Variants in EXOC7 observed in about 807,000 individuals in gnomAD.
The protein encoded by EXOC7 is exocyst complex component 7.
Under a neutral mutation model 87.6 loss-of-function variants are expected in EXOC7, and 51 were observed. The ratio of observed to expected loss-of-function variants is 0.58; its 90% CI spans 0.46 to 0.73. The LOEUF (loss-of-function observed/expected upper bound fraction) is 0.73. EXOC7 is among the 30% of genes least tolerant of loss of function. EXOC7 has a pLI of 0.00. For missense variants in EXOC7, 744 were observed against 888.4 expected, an observed-to-expected ratio of 0.84 and a Z score of 2.07; for synonymous variants, 327 against 357.1, an observed-to-expected ratio of 0.92 and a Z score of 0.95.
chr17:76,081,563 G>A lies in EXOC7; in HGVS notation c.*2085C>T. On this transcript the variant is annotated 3_prime_UTR_variant, in exon 19 of 19. Transcript: ENST00000589210. The stretch of plus-strand genomic sequence containing the variant: ...CTTCCAGCTGAGGCTGAAGAACACG[G>A]CGCTCAAGTCCATCATCGCTCTCTT... The A allele has an allele frequency of 6.2e-7, 1 of 1,613,660 alleles. No individual in the cohort carries two copies. Among genetic ancestry groups the A allele is most frequent in the South Asian group, 1.1e-5 (1 of 91,086 alleles).
chr17:76,098,135 CCT>C, intron 4 of EXOC7, 117 bp from the exon 5 acceptor site: 3 of 820,252 alleles, frequency 3.7e-6, no homozygotes, highest in Non-Finnish European at 5.7e-6. Flanking sequence ...CCTTTTCTGC[CCT>C]GATATCTTTT....
At chr17:76,099,482 G>A (rs987612497) in intron 4 of EXOC7, among the ~76,000 whole-genome samples, 5 of 151,992 alleles carry the variant, frequency 3.3e-5, no homozygotes, top group South Asian at 2.1e-4. Flanking sequence ...ACTCCAGCCC[G>A]GGCAACAAGA....
intron 5 of EXOC7, among the ~76,000 whole-genome samples, chr17:76,094,958 G>T (rs1214008199): frequency 7.8e-6 from 1 of 127,920 alleles, no homozygotes; most frequent in Non-Finnish European, 1.6e-5. Flanking sequence ...CTGATAATTA[G>T]TTGTAAGTTG....
chr17:76,088,055 C>T lies in EXOC7; in HGVS notation c.1362+5G>A. The T allele has an allele frequency of 6.2e-7, 1 of 1,614,056 alleles. No homozygotes were observed. The highest frequency in any genetic ancestry group is 2.2e-5 in the East Asian group (1 of 44,878). On this transcript the variant is annotated splice_donor_5th_base_variant and intron_variant, in intron 11 of 18. Transcript: ENST00000589210. Reference sequence around the variant, plus strand: ...CTCTCCCTGGTGTCCTCAGGCAGCACCCACATTGCTGGTGAGCTCGTGTAC... The same window carrying T: ...CTCTCCCTGGTGTCCTCAGGCAGCATCCACATTGCTGGTGAGCTCGTGTAC...
intron 5 of EXOC7, among the ~76,000 whole-genome samples, chr17:76,096,803 A>G (rs1373899093): frequency 6.6e-6 from 1 of 151,916 alleles, no homozygotes; most frequent in Non-Finnish European, 1.5e-5. Flanking sequence ...TGATCCGCCC[A>G]CCTTGGCCCC....
Position 76,089,308 on chromosome 17 carries a change from A to G in EXOC7, c.914T>C (p.Met305Thr), listed in dbSNP as rs1407008151. The change falls in exon 8 of 19, where the codon ATG (methionine) becomes ACG (threonine). Residue 305 changes from methionine (M) to threonine (T), a missense_variant. Met to Thr is a moderately conservative substitution (Grantham distance 81). Coordinates refer to ENST00000589210, the MANE Select transcript of EXOC7 (RefSeq NM_001013839.4). ...NLIPLEGRDDMLDVETDAYIH... is the reference protein window; with the variant it reads ...NLIPLEGRDDTLDVETDAYIH... ...GTAGGCATCGGTCTCCACGTCCAGC[A>G]TGTCATCTCTCCCTGGGGGATGGCA... 1 of 1,614,012 alleles carries G rather than the reference A, an allele frequency of 6.2e-7. No homozygotes were observed. Among genetic ancestry groups the G allele is most frequent in the Non-Finnish European group, 8.5e-7 (1 of 1,179,980 alleles).
In EXOC7 at chr17:76,081,798, G is replaced by C. The variant is rs2066990631; in HGVS notation, c.*1850C>G. ...ACCCAGTCTGCCCTGTTTCTCCCCG[G>C]TCACCCACTGGTGCTCAGCTCGCTG... On this transcript the variant is annotated 3_prime_UTR_variant, in exon 19 of 19. Coordinates refer to ENST00000589210, the MANE Select transcript of EXOC7 (RefSeq NM_001013839.4). The C allele has an allele frequency of 1.2e-6, 2 of 1,613,038 alleles. No individual in the cohort carries two copies. The highest frequency in any genetic ancestry group is 8.5e-7 in the Non-Finnish European group (1 of 1,179,410).
At position 76,081,303 on chromosome 17, in the gene EXOC7, C is replaced by A. The variant is rs747196753; in HGVS notation, c.*2345G>T. The A allele has an allele frequency of 5.0e-6, 8 of 1,613,938 alleles. No individual in the cohort carries two copies. Among genetic ancestry groups the A allele is most frequent in the Admixed American group, 1.7e-5 (1 of 60,002 alleles). On this transcript the variant is annotated 3_prime_UTR_variant, in exon 19 of 19. Coordinates refer to ENST00000589210, the MANE Select transcript of EXOC7 (RefSeq NM_001013839.4). ...CGATGGAGTTAGAGTTCCAGGCCCA[C>A]GTGGTGAACGAGATTGTGAGTGTCA...
chr17:76,095,575 T>C (rs758129292), intron 5 of EXOC7, among the ~76,000 whole-genome samples: 1 of 152,184 alleles, frequency 6.6e-6, no homozygotes, highest in Non-Finnish European at 1.5e-5. Context: ...AAAACACACA[T>C]CTTTAGCCAT....
chr17:76,081,357 GACCCAA>G lies in EXOC7; in HGVS notation c.*2285_*2290del. 1 of 1,614,178 alleles carries G rather than the reference GACCCAA, an allele frequency of 6.2e-7. No homozygotes were observed. The highest frequency in any genetic ancestry group is 8.5e-7 in the Non-Finnish European group (1 of 1,180,038). The stretch of plus-strand genomic sequence containing the variant: ...GGGAATACGTAGTTTATGATCTGAA[GACCCAA>G]GTCCCACCCCAGCAGCTGGTGCCCT... On this transcript the variant is annotated 3_prime_UTR_variant, in exon 19 of 19. Coordinates refer to ENST00000589210, the MANE Select transcript of EXOC7 (RefSeq NM_001013839.4).
At chr17:76,084,935 C>G (rs1458690006) in intron 15 of EXOC7, among the ~76,000 whole-genome samples, 1 of 152,192 alleles carries the variant, frequency 6.6e-6, no homozygotes, top group East Asian at 1.9e-4. Context: ...AGAAACAAAG[C>G]CAGGAAGAAA....
chr17:76,101,190 A>G (rs752850835), intron 4 of EXOC7, 81 bp downstream of exon 4: 1 of 1,612,400 alleles, frequency 6.2e-7, no homozygotes, highest in East Asian at 2.2e-5. Flanking sequence ...ATACATCCTC[A>G]AGCTGGCTCC....
chr17:76,087,930 G>T, intron 11 of EXOC7, 130 bp downstream of exon 11: 1 of 1,091,136 alleles, frequency 9.2e-7, no homozygotes, highest in Non-Finnish European at 1.4e-6. Context: ...CTGCCACCCA[G>T]GACTGCTCAC....
chr17:76,092,008 G>A (rs1390463891), intron 6 of EXOC7, among the ~76,000 whole-genome samples: 3 of 152,214 alleles, frequency 2.0e-5, no homozygotes, highest in Non-Finnish European at 2.9e-5. Context: ...AGCACCCACA[G>A]CCGCCTGGGT....
At chr17:76,103,214 C>T in intron 2 of EXOC7, 147 bp downstream of exon 2, 3 of 712,062 alleles carry the variant, frequency 4.2e-6, no homozygotes, top group Non-Finnish European at 7.2e-6. Context: ...AGGAGAGATG[C>T]CAAACTGTTG....
rs2066963412 is a variant in EXOC7, at chr17:76,081,360, C to T, written c.*2288G>A. 6.2e-7 allele frequency: 1 copy of T among 1,614,164 alleles called. No homozygotes were observed. Among genetic ancestry groups the T allele is most frequent in the Non-Finnish European group, 8.5e-7 (1 of 1,180,036 alleles). On this transcript the variant is annotated 3_prime_UTR_variant, in exon 19 of 19. Transcript: ENST00000589210. ...AATACGTAGTTTATGATCTGAAGAC[C>T]CAAGTCCCACCCCAGCAGCTGGTGC...
chr17:76,086,570 G>A (rs1020479548), intron 12 of EXOC7, among the ~76,000 whole-genome samples: 7 of 152,132 alleles, frequency 4.6e-5, no homozygotes, highest in Non-Finnish European at 1.0e-4. Flanking sequence ...CTGAACAGAC[G>A]AAGCTGCGGC....
intron 5 of EXOC7, among the ~76,000 whole-genome samples, chr17:76,097,488 G>A (rs1283278123): frequency 3.3e-5 from 5 of 151,986 alleles, no homozygotes; most frequent in East Asian, 1.9e-4. Flanking sequence ...CAGATCACCT[G>A]AGGTCAGAAG....
rs374771859 is a variant in EXOC7, at chr17:76,089,270, T to C, written c.952A>G (p.Ser318Gly). Residue 318 changes from serine to glycine, a missense_variant, in exon 8 of 19, where the codon AGT becomes GGT. Transcript: ENST00000589210. ...CTCTGCGCCAGCTTGACGAAGGCAC[T>C]GACGCAGTGGATGTAGGCATCGGTC... ...VETDAYIHCVSAFVKLAQSEY... is the reference protein window; with the variant it reads ...VETDAYIHCVGAFVKLAQSEY... 6.2e-7 allele frequency: 1 copy of C among 1,614,016 alleles called. No individual in the cohort carries two copies. The highest frequency in any genetic ancestry group is 8.5e-7 in the Non-Finnish European group (1 of 1,180,010).
Sources: allele counts gnomAD v4.1 joint callset (sites outside exome capture counted in the v4.1 genomes callset), GRCh38; gene constraint gnomAD v4.1.1; transcripts MANE v1.5; gene names NCBI Gene and HGNC (gene_info 2026-07-23, HGNC 2026-07-21).